Variants in MAP4 observed in about 807,000 individuals in gnomAD.
MAP4 encodes microtubule associated protein 4, also known as microtubule-associated protein 4.
In MAP4, 76 loss-of-function variants were observed where a neutral mutation model predicts 170.2. That is an observed-to-expected ratio of 0.45 (90% CI 0.37 to 0.54). The LOEUF is 0.54. Ranked by LOEUF, MAP4 falls within the 20% of genes least tolerant of loss-of-function variation. The probability of loss-of-function intolerance (pLI) is 0.00; values close to 1 mark genes in which losing one functional copy is unlikely to be tolerated. For synonymous variants in MAP4, 909 were observed against 994.5 expected (o/e 0.91, Z 1.62); for missense variants, 2,506 against 2,748.0 (o/e 0.91, Z 1.97).
intron 10 of MAP4, among the ~76,000 whole-genome samples, chr3:47,897,792 A>T (rs540919710): frequency 1.3e-5 from 2 of 151,838 alleles, no homozygotes; most frequent in East Asian, 3.9e-4. Context: ...GATACAAAAA[A>T]TTAGCTGGGT....
chr3:47,972,341 G>C (rs1287159570), intron 3 of MAP4, among the ~76,000 whole-genome samples: 1 of 152,140 alleles, frequency 6.6e-6, no homozygotes, highest in African/African-American at 2.4e-5. Context: ...GATAATTCAG[G>C]AGGCACTTTA....
At chr3:47,935,055 CT>C (rs2100051942) in intron 3 of MAP4, among the ~76,000 whole-genome samples, 1 of 152,174 alleles carries the variant, frequency 6.6e-6, no homozygotes, top group African/African-American at 2.4e-5. Context: ...CTTCATAAGG[CT>C]AAGATATGTG....
At chr3:47,894,379 G>A (rs766935898) in intron 10 of MAP4, among the ~76,000 whole-genome samples, 4 of 151,786 alleles carry the variant, frequency 2.6e-5, no homozygotes, top group Non-Finnish European at 5.9e-5. Context: ...TCAGGAGATC[G>A]AGACCATCCT....
intron 3 of MAP4, among the ~76,000 whole-genome samples, chr3:47,943,547 T>G (rs1283248752): frequency 6.6e-6 from 1 of 151,886 alleles, no homozygotes; most frequent in African/African-American, 2.4e-5. Context: ...AGGCAGAGGG[T>G]GCAGTGAGCC....
At chr3:47,951,841 T>C (rs1367213102) in intron 3 of MAP4, among the ~76,000 whole-genome samples, 69 of 143,732 alleles carry the variant, frequency 4.8e-4, no homozygotes, top group African/African-American at 1.8e-3. Context: ...CCCCTCTGCC[T>C]GGCTGCCCAG....
intron 11 of MAP4, chr3:47,877,006 T>C: frequency 6.4e-6 from 1 of 156,790 alleles, no homozygotes; most frequent in Non-Finnish European, 1.4e-5. Context: ...CTCAGCCTCC[T>C]GAGTAGCTGG....
At chr3:48,009,716 C>T (rs1391273965) in intron 1 of MAP4, among the ~76,000 whole-genome samples, 1 of 152,130 alleles carries the variant, frequency 6.6e-6, no homozygotes, top group African/African-American at 2.4e-5. Flanking sequence ...ATTCACAGGT[C>T]CAGGAATCGA....
Position 47,856,028 on chromosome 3 carries a change from C to T in MAP4, c.6584-668G>A, listed in dbSNP as rs370717074. ...GGGATCTAGTGACCTCAGGCTAGGA[C>T]GGGGAGGGAAAGTGGTCTGAACTCA... On this transcript the variant is annotated intron_variant, in intron 18 of 20. Transcript: ENST00000683076. Among the ~76,000 whole-genome samples, 12 of 152,268 alleles carry T rather than the reference C, an allele frequency of 7.9e-5. No homozygotes were observed. In the East Asian group the frequency reaches 1.5e-3, roughly 20 times the overall value.
intron 17 of MAP4, among the ~76,000 whole-genome samples, chr3:47,863,780 G>A (rs552919934): frequency 1.3e-5 from 2 of 151,738 alleles, no homozygotes; most frequent in South Asian, 2.1e-4. Context: ...CCTCCCCTCC[G>A]CTGGTGTCCT....
Position 47,968,526 on chromosome 3 carries a change from T to C in MAP4, c.292+9339A>G, listed in dbSNP as rs199670642. ...AGAAATCCCAAAAGAAATTAGAAAA[T>C]ACTTTCAGATGAATGAAAATGAAAA... On this transcript the variant is annotated intron_variant, in intron 3 of 20. Transcript: ENST00000683076. 9.9e-5 allele frequency among the ~76,000 whole-genome samples: 15 copies of C among 152,144 alleles called. No individual in the cohort carries two copies. The East Asian group carries it at 1.5e-3, about 16-fold the overall frequency.
chr3:47,852,381 G>A lies in MAP4; in HGVS notation c.*553C>T, dbSNP rs769306337. ...GGCCCGACACCACCTGCATGGGGAG[G>A]GGGGGGCGCCCATTTGTGGGACCAG... is the stretch of plus-strand genomic sequence containing the variant. On this transcript the variant is annotated 3_prime_UTR_variant, in exon 21 of 21. Coordinates refer to ENST00000683076, the MANE Select transcript of MAP4 (RefSeq NM_001385682.1). The A allele has an allele frequency of 1.8e-4, 33 of 186,110 alleles. 1 individual carries two copies. In the South Asian group the frequency reaches 4.6e-3, roughly 26 times the overall value. The allele number at this position is 186,110 out of a possible 1,614,324, so 11.5% of individuals were successfully genotyped here.
chr3:47,888,456 C>T (rs760984653), intron 10 of MAP4, among the ~76,000 whole-genome samples: 4 of 152,032 alleles, frequency 2.6e-5, no homozygotes, highest in Non-Finnish European at 4.4e-5. Context: ...CCGGGAGGAA[C>T]GAACAACTCC....
intron 1 of MAP4, among the ~76,000 whole-genome samples, chr3:48,061,377 T>A (rs1490010804): frequency 9.2e-5 from 14 of 152,102 alleles, no homozygotes; most frequent in Admixed American, 9.2e-4. Context: ...ATTTTTTTGG[T>A]GGAGACGGGG....
At chr3:47,932,450 A>T (rs1313798116) in intron 3 of MAP4, among the ~76,000 whole-genome samples, 1 of 152,164 alleles carries the variant, frequency 6.6e-6, no homozygotes, top group South Asian at 2.1e-4. Context: ...TAGGAGTAGA[A>T]CTGCTGGGTC....
intron 6 of MAP4, among the ~76,000 whole-genome samples, chr3:47,918,378 C>T (rs2100040900): frequency 6.6e-6 from 1 of 151,860 alleles, no homozygotes; most frequent in Admixed American, 6.6e-5. Context: ...CCTCAGCTTC[C>T]CAAAGTGCTG....
At chr3:47,997,123 G>T (rs2100096179) in intron 2 of MAP4, among the ~76,000 whole-genome samples, 1 of 151,480 alleles carries the variant, frequency 6.6e-6, no homozygotes, top group African/African-American at 2.4e-5. Flanking sequence ...AGAGATACAG[G>T]ACACTATCCA....
At chr3:47,963,889 T>C (rs553118773) in intron 3 of MAP4, among the ~76,000 whole-genome samples, 57 of 152,308 alleles carry the variant, frequency 3.7e-4, no homozygotes, top group African/African-American at 1.3e-3. Flanking sequence ...GTGCAATTTT[T>C]AAAAAGATAG....
At chr3:47,965,716 C>T (rs2100074452) in intron 3 of MAP4, among the ~76,000 whole-genome samples, 1 of 152,030 alleles carries the variant, frequency 6.6e-6, no homozygotes, top group Non-Finnish European at 1.5e-5. Flanking sequence ...AGAAATGTTT[C>T]TTCAAGTCCT....
chr3:48,055,200 GT>G (rs2100130253), intron 1 of MAP4, among the ~76,000 whole-genome samples: 1 of 70,960 alleles, frequency 1.4e-5, no homozygotes, highest in East Asian at 2.7e-4. Context: ...CTCCCTCTCC[GT>G]CTCCGTCTCC....
Sources: gnomAD v4.1 joint callset for allele counts (sites outside exome capture counted in the v4.1 genomes callset) on GRCh38, gnomAD v4.1.1 for gene constraint, MANE v1.5 for transcripts, NCBI Gene and HGNC (gene_info 2026-07-23, HGNC 2026-07-21) for gene names.